The following UBE3C variants were observed in gnomAD, a reference collection of about 807,000 sequenced individuals.
UBE3C encodes ubiquitin protein ligase E3C, also known as ubiquitin-protein ligase E3C.
Under a neutral mutation model 129.4 loss-of-function variants are expected in UBE3C, and 42 were observed. The ratio of observed to expected loss-of-function variants is 0.32; its 90% confidence interval spans 0.25 to 0.42. The LOEUF is 0.42. Ranked by LOEUF, UBE3C falls within the 10% of genes least tolerant of loss-of-function variation. UBE3C has a pLI of 1.00. For missense variants in UBE3C, 1,049 were observed against 1,319.1 expected, an observed-to-expected ratio of 0.80 and a Z score of 3.17; for synonymous variants, 510 against 492.4, an observed-to-expected ratio of 1.04 and a Z score of -0.47.
chr7:157,182,073 T>A, intron 7 of UBE3C, 35 bp from the exon 8 acceptor site: 1 of 1,520,906 alleles, frequency 6.6e-7, no homozygotes, highest in South Asian at 1.3e-5. Context: ...CAGTATAATT[T>A]GATTTTATAA....
At chr7:157,208,929 G>A (rs755433666) in intron 13 of UBE3C, among the ~76,000 whole-genome samples, 1 of 152,232 alleles carries the variant, frequency 6.6e-6, no homozygotes, top group Non-Finnish European at 1.5e-5. Context: ...TAGATTTACA[G>A]TCCGTTTAAT....
chr7:157,169,601 CAT>C (rs1403272266), intron 3 of UBE3C, among the ~76,000 whole-genome samples: 1 of 152,166 alleles, frequency 6.6e-6, no homozygotes, highest in Non-Finnish European at 1.5e-5. Context: ...GTCTGGAACT[CAT>C]GACCTCAAAT....
chr7:157,174,910 C>T lies in UBE3C; in HGVS notation c.343-9C>T. On this transcript the variant is annotated splice_polypyrimidine_tract_variant and intron_variant, in intron 4 of 22. Coordinates refer to ENST00000348165, the MANE Select transcript of UBE3C (RefSeq NM_014671.3). The stretch of plus-strand genomic sequence containing the variant: ...TGAGAGTTGTATATTTTATGTTTTG[C>T]TGTTTCAGATATGGCTGTATCAGAA... 6.4e-7 allele frequency: 1 copy of T among 1,569,082 alleles called. No homozygotes were observed. Among genetic ancestry groups the T allele is most frequent in the East Asian group, 2.3e-5 (1 of 43,592 alleles).
rs371300314 is a variant in UBE3C at position 157,262,409 on chromosome 7, C to CTTTTTTTT, written c.3082-5156_3082-5149dup. On this transcript the variant is annotated intron_variant, in intron 22 of 22. Transcript: ENST00000348165. The stretch of plus-strand genomic sequence containing the variant: ...AGAATCATGTAAGTCTCTTCATAGG[C>CTTTTTTTT]TTTTTTTTTTTTTTTTTTTTTTTTT... Among the ~76,000 whole-genome samples, 428 of 54,038 alleles carry CTTTTTTTT rather than the reference C, an allele frequency of 7.9e-3. 136 individuals carry two copies. Among genetic ancestry groups the CTTTTTTTT allele is most frequent in the African/African-American group, 0.019 (261 of 13,440 alleles). 35.5% of individuals were successfully genotyped at this position (54,038 alleles called of 152,430 possible).
At chr7:157,234,290 G>A (rs6459742) in intron 18 of UBE3C, among the ~76,000 whole-genome samples, 48,770 of 151,968 alleles carry the variant, frequency 0.32, 10,491 homozygotes, top group African/African-American at 0.61. Context: ...TTCTTCTGAC[G>A]GTGTTGTAGT....
At chr7:157,147,198 T>C (rs1807630052) in intron 1 of UBE3C, among the ~76,000 whole-genome samples, 1 of 152,254 alleles carries the variant, frequency 6.6e-6, no homozygotes, top group South Asian at 2.1e-4. Context: ...TTAGTTCTTT[T>C]ATTTCTTTCA....
chr7:157,226,688 G>A (rs1795887287), intron 17 of UBE3C, among the ~76,000 whole-genome samples: 1 of 151,032 alleles, frequency 6.6e-6, no homozygotes, highest in Non-Finnish European at 1.5e-5. Context: ...GAGGAAAGCT[G>A]ACATCAGTTG....
At chr7:157,259,389 A>T (rs1017810079) in intron 22 of UBE3C, among the ~76,000 whole-genome samples, 1 of 152,186 alleles carries the variant, frequency 6.6e-6, no homozygotes, top group African/African-American at 2.4e-5. Flanking sequence ...CGTCAATGTG[A>T]TGTCGCAGCC....
At chr7:157,204,713 C>T (rs935340354) in intron 11 of UBE3C, among the ~76,000 whole-genome samples, 15 of 152,230 alleles carry the variant, frequency 9.9e-5, no homozygotes, top group African/African-American at 3.6e-4. Flanking sequence ...CCATAGCCAG[C>T]TGGTACTGTT....
At chr7:157,265,927 T>G (rs1444451776) in intron 22 of UBE3C, among the ~76,000 whole-genome samples, 2 of 152,204 alleles carry the variant, frequency 1.3e-5, no homozygotes, top group African/African-American at 4.8e-5. Context: ...TTGTTAACAA[T>G]TATTTAAATT....
chr7:157,140,604 C>A (rs1180327654), intron 1 of UBE3C, among the ~76,000 whole-genome samples: 1 of 152,172 alleles, frequency 6.6e-6, no homozygotes, highest in Non-Finnish European at 1.5e-5. Context: ...CTTACAAGTT[C>A]GGAAGGTGAG....
intron 18 of UBE3C, among the ~76,000 whole-genome samples, chr7:157,238,316 G>A (rs1217820957): frequency 2.0e-5 from 3 of 152,030 alleles, no homozygotes; most frequent in Admixed American, 2.0e-4. Flanking sequence ...GTGTTGTCGT[G>A]GGCCTCCTTG....
At chr7:157,266,206 C>T (rs1299634211) in intron 22 of UBE3C, among the ~76,000 whole-genome samples, 2 of 152,090 alleles carry the variant, frequency 1.3e-5, no homozygotes, top group Admixed American at 1.3e-4. Flanking sequence ...CCAAGCTATG[C>T]GGGAGGCTGA....
chr7:157,154,007 A>T (rs113958387), intron 1 of UBE3C, among the ~76,000 whole-genome samples: 1 of 150,698 alleles, frequency 6.6e-6, no homozygotes, highest in Non-Finnish European at 1.5e-5. Flanking sequence ...GGGGGGGAAA[A>T]GTTAACTTTT....
chr7:157,171,686 ATTTTTTTTTTTTTTTTTTTTTT>A (rs77471740), intron 4 of UBE3C, among the ~76,000 whole-genome samples: 1,127 of 37,480 alleles, frequency 0.03, 14 homozygotes, highest in East Asian at 0.078. Context: ...ATATATATAT[ATTTTTTTTTTTTTTTTTTTTTT>A]TTTTTTTTTT....
chr7:157,231,140 C>T lies in UBE3C; in HGVS notation c.2294C>T (p.Ala765Val), dbSNP rs1395629337. 1 of 1,614,044 alleles carries T rather than the reference C, an allele frequency of 6.2e-7. No homozygotes were observed. The highest frequency in any genetic ancestry group is 1.7e-5 in the Admixed American group (1 of 60,004). The change falls in exon 18 of 23, where the codon GCT becomes GTT. Residue 765 changes from alanine (A) to valine (V), a missense_variant. Physicochemically the swap from Ala to Val is moderately conservative, Grantham distance 64 (BLOSUM62 0). This residue lies in a region of UBE3C where 314 missense variants were observed against 416.9 expected (regional missense o/e 0.75). Transcript: ENST00000348165. ...HLLNAHGLDE[A>V]GIDGGGIFRE... ...CTCAATGCCCATGGCCTGGATGAAG[C>T]TGGCATTGATGGTGGTGGTATTTTC...
intron 1 of UBE3C, among the ~76,000 whole-genome samples, chr7:157,146,249 T>C (rs1480547191): frequency 6.7e-6 from 1 of 149,594 alleles, no homozygotes; most frequent in Non-Finnish European, 1.5e-5. Flanking sequence ...ATCTATTTCT[T>C]TTTTTTTTTT....
chr7:157,256,304 A>G lies in UBE3C; in HGVS notation c.2951-610A>G, dbSNP rs546038356. On this transcript the variant is annotated intron_variant, in intron 21 of 22. Coordinates refer to ENST00000348165, the MANE Select transcript of UBE3C (RefSeq NM_014671.3). ...ATTATGGGTGCGCGCCACAACATCCAGCGAATTTTTGTACATTTGGTAGAG... is the reference window on the plus strand; with the variant it reads ...ATTATGGGTGCGCGCCACAACATCCGGCGAATTTTTGTACATTTGGTAGAG... 2.0e-4 allele frequency among the ~76,000 whole-genome samples: 30 copies of G among 152,132 alleles called. 1 individual carries two copies. In the South Asian group the frequency reaches 5.6e-3, roughly 28 times the overall value.
chr7:157,256,688 C>T, intron 21 of UBE3C: 1 of 484,636 alleles, frequency 2.1e-6, no homozygotes, highest in South Asian at 3.2e-5. Flanking sequence ...TATAGTGTCA[C>T]AGCCATTTAC....
Sources: gnomAD v4.1 joint callset for allele counts (sites outside exome capture counted in the v4.1 genomes callset) on GRCh38, gnomAD v4.1.1 for gene constraint, gnomAD v4.1.1 regional missense constraint, MANE v1.5 for transcripts, NCBI Gene and HGNC (gene_info 2026-07-23, HGNC 2026-07-21) for gene names.